TFDP1: variants seen among roughly 807,000 people sequenced by gnomAD.
TFDP1 encodes the protein transcription factor Dp-1.
In TFDP1, 6 loss-of-function variants were observed where a neutral mutation model predicts 48.0. That is an observed-to-expected ratio of 0.13 (90% CI 0.07 to 0.25). TFDP1 has a LOEUF of 0.25. TFDP1 is among the 10% of genes least tolerant of loss of function. The probability of loss-of-function intolerance (pLI) is 1.00; values close to 1 mark genes in which losing one functional copy is unlikely to be tolerated. For missense variants in TFDP1, 335 were observed against 543.0 expected (o/e 0.62, Z 3.81); for synonymous variants, 201 against 211.6 (o/e 0.95, Z 0.44).
At chr13:113,639,037 A>G (rs149038866) in intron 11 of TFDP1, among the ~76,000 whole-genome samples, 184 of 152,318 alleles carry the variant, frequency 1.2e-3, no homozygotes, top group Middle Eastern at 3.4e-3. Context: ...GTGCAAAGCC[A>G]GCCTTGGCCT....
intron 2 of TFDP1, among the ~76,000 whole-genome samples, chr13:113,601,788 G>T (rs1437115449): frequency 6.6e-6 from 1 of 152,224 alleles, no homozygotes; most frequent in Non-Finnish European, 1.5e-5. Context: ...GTTCTCCGCA[G>T]GAGTTGATGG....
chr13:113,611,797 G>A (rs1417945183), intron 3 of TFDP1, among the ~76,000 whole-genome samples: 2 of 151,364 alleles, frequency 1.3e-5, no homozygotes, highest in African/African-American at 2.4e-5. Context: ...TGCGTGCAGG[G>A]TAGTTCGTTG....
At chr13:113,612,212 C>A (rs2048725613) in intron 3 of TFDP1, among the ~76,000 whole-genome samples, 1 of 152,194 alleles carries the variant, frequency 6.6e-6, no homozygotes, top group Admixed American at 6.5e-5. Flanking sequence ...CCAACCCCTA[C>A]ATGCTGTGGA....
At position 113,623,774 on chromosome 13, in the gene TFDP1, A is replaced by T. The variant is rs971478901; in HGVS notation, c.186+488A>T. 2.6e-5 allele frequency among the ~76,000 whole-genome samples: 4 copies of T among 152,192 alleles called. No individual in the cohort carries two copies. The highest frequency in any genetic ancestry group is 5.9e-5 in the Non-Finnish European group (4 of 68,006). On this transcript the variant is annotated intron_variant, in intron 4 of 11. Transcript: ENST00000375370. This position sits in a 1 kb window ranked among gnomAD's most constrained non-coding sequence, Gnocchi z 5.2. ...AGATGCTGCTCCCTTGGCCACGCAC[A>T]GGAGAGGGGAAGGTGGGCATTGGGA...
rs1034825188 is a variant in TFDP1 at position 113,610,831 on chromosome 13, G to T, written c.13-165G>T. ...ATGGTGATAGTGACATTCCTTCTCC[G>T]GACCTGGCGTTCTCCTGGTTGTTCC... On this transcript the variant is annotated intron_variant, in intron 2 of 11. Transcript: ENST00000375370. Among the ~76,000 whole-genome samples the T allele has an allele frequency of 2.6e-5, 4 of 152,180 alleles. No homozygotes were observed. In the East Asian group the frequency reaches 7.7e-4, roughly 29 times the overall value.
At chr13:113,590,133 G>A (rs910272097) in intron 2 of TFDP1, among the ~76,000 whole-genome samples, 5 of 152,316 alleles carry the variant, frequency 3.3e-5, no homozygotes, top group Admixed American at 2.6e-4. Context: ...TGGGCTGTGC[G>A]GGCACTTGGA....
At position 113,600,606 on chromosome 13, in the gene TFDP1, A is replaced by G. The variant is rs1441442344; in HGVS notation, c.13-10390A>G. Among the ~76,000 whole-genome samples, 2 of 149,416 alleles carry G rather than the reference A, an allele frequency of 1.3e-5. 1 individual carries two copies. Among genetic ancestry groups the G allele is most frequent in the South Asian group, 4.3e-4 (2 of 4,698 alleles). On this transcript the variant is annotated intron_variant, in intron 2 of 11. Coordinates refer to ENST00000375370, the MANE Select transcript of TFDP1 (RefSeq NM_007111.5). ...AACCCAGGACCCAGGACCGTGAGAG[A>G]GAATCCTCGCACGTGGGGCTCCAGG...
At chr13:113,636,425 C>T in intron 9 of TFDP1, 109 bp from the exon 10 acceptor site, 1 of 1,262,484 alleles carries the variant, frequency 7.9e-7, no homozygotes, top group Non-Finnish European at 1.1e-6. Flanking sequence ...TGACTGGGAA[C>T]CGGGAAGCTG....
intron 4 of TFDP1, among the ~76,000 whole-genome samples, chr13:113,628,312 T>G (rs1255060177): frequency 6.6e-6 from 1 of 152,214 alleles, no homozygotes; most frequent in Non-Finnish European, 1.5e-5. Flanking sequence ...TCTGGAGCCA[T>G]GTAGACTGTG....
chr13:113,622,975 C>T (rs555109599), intron 3 of TFDP1, among the ~76,000 whole-genome samples: 75 of 152,378 alleles, frequency 4.9e-4, no homozygotes, highest in African/African-American at 1.2e-3. Flanking sequence ...GGCGTCAGCG[C>T]GGCCCTGCGG....
chr13:113,586,729 C>T (rs983878507), intron 2 of TFDP1, among the ~76,000 whole-genome samples: 1 of 152,202 alleles, frequency 6.6e-6, no homozygotes, highest in Non-Finnish European at 1.5e-5. Context: ...CCCTGCGAGG[C>T]CTTTTGGGGT....
intron 2 of TFDP1, among the ~76,000 whole-genome samples, chr13:113,605,906 CGGTGATGAGTGTCCAT>C (rs2048554235): frequency 7.2e-6 from 1 of 138,782 alleles, no homozygotes; most frequent in East Asian, 2.4e-4. Context: ...CAAGGCGGCG[CGGTGATGAGTGTCCAT>C]AGGGGATCCT....
intron 2 of TFDP1, among the ~76,000 whole-genome samples, chr13:113,594,170 G>A (rs1338405654): frequency 6.7e-6 from 1 of 148,462 alleles, no homozygotes; most frequent in Non-Finnish European, 1.5e-5. Flanking sequence ...GTGCCCAGGT[G>A]ACAGGTGTGC....
At chr13:113,614,822 A>G (rs559251047) in intron 3 of TFDP1, among the ~76,000 whole-genome samples, 1 of 152,288 alleles carries the variant, frequency 6.6e-6, no homozygotes, top group East Asian at 1.9e-4. Context: ...GTCAGGGCGG[A>G]ACCTGCAGGG....
In TFDP1 at chr13:113,629,337, G is replaced by T. The variant is rs531048113; in HGVS notation, c.187-2286G>T. Reference sequence around the variant, plus strand: ...GTGGCTCGTTCTCAGGGTGCCCCTGGGTGCTGAGTCCTGTCTTCCAGGAAA... The same window carrying T: ...GTGGCTCGTTCTCAGGGTGCCCCTGTGTGCTGAGTCCTGTCTTCCAGGAAA... On this transcript the variant is annotated intron_variant, in intron 4 of 11. Coordinates refer to ENST00000375370, the MANE Select transcript of TFDP1 (RefSeq NM_007111.5). Among the ~76,000 whole-genome samples the T allele has an allele frequency of 2.6e-5, 4 of 152,322 alleles. No individual in the cohort carries two copies. In the South Asian group the frequency reaches 8.3e-4, roughly 32 times the overall value.
chr13:113,616,073 C>T (rs1481611947), intron 3 of TFDP1, among the ~76,000 whole-genome samples: 3 of 151,792 alleles, frequency 2.0e-5, no homozygotes, highest in African/African-American at 7.3e-5. Flanking sequence ...CGCTGTGGTA[C>T]ACGCCTGTAA....
intron 1 of TFDP1, among the ~76,000 whole-genome samples, 189 bp downstream of exon 1, chr13:113,585,077 C>T (rs2047963815): frequency 6.8e-6 from 1 of 146,916 alleles, no homozygotes. Flanking sequence ...AGGGGCTCCC[C>T]AGGTGACCGC....
At chr13:113,635,702 T>G (rs2049466322) in intron 8 of TFDP1, among the ~76,000 whole-genome samples, 2 of 152,192 alleles carry the variant, frequency 1.3e-5, no homozygotes, top group Non-Finnish European at 2.9e-5. Flanking sequence ...AATTGGTGTT[T>G]TGTTGAGCGC....
Position 113,634,346 on chromosome 13 carries a change from A to T in TFDP1, c.619-188A>T, listed in dbSNP as rs113222723. ...AATGAGAGGAAAGGGGAGAAGGTAT[A>T]GTTTAGAAATGGAAAAAAAACTCAC... On this transcript the variant is annotated intron_variant, in intron 7 of 11. Coordinates refer to ENST00000375370, the MANE Select transcript of TFDP1 (RefSeq NM_007111.5). The T allele has an allele frequency of 6.7e-4, 425 of 638,304 alleles. 1 individual carries two copies. Among genetic ancestry groups the T allele is most frequent in the African/African-American group, 6.1e-3 (333 of 54,510 alleles). 39.5% of individuals were successfully genotyped at this position (638,304 alleles called of 1,614,324 possible).
Sources: allele counts gnomAD v4.1 joint callset (sites outside exome capture counted in the v4.1 genomes callset), GRCh38; gene constraint gnomAD v4.1.1; non-coding constraint Gnocchi (gnomAD v3.1); transcripts MANE v1.5; gene names NCBI Gene and HGNC (gene_info 2026-07-23, HGNC 2026-07-21).